TRPC6: variants seen among roughly 807,000 people sequenced by gnomAD.
TRPC6 encodes the protein short transient receptor potential channel 6.
In TRPC6, 55 loss-of-function variants were observed where a neutral mutation model predicts 90.7. The observed-to-expected ratio is 0.61, with a 90% confidence interval of 0.49 to 0.76. TRPC6 has a LOEUF of 0.76. Among genes scored for constraint, TRPC6 ranks in the 30% least tolerant of loss-of-function variants. TRPC6 has a pLI of 0.00. For missense variants in TRPC6, 989 were observed against 1,122.7 expected, an observed-to-expected ratio of 0.88 and a Z score of 1.70; for synonymous variants, 393 against 393.0, an observed-to-expected ratio of 1.00 and a Z score of 0.00.
At position 101,555,432 on chromosome 11, in the gene TRPC6, T is replaced by C. The variant is rs542671907; in HGVS notation, c.170+27902A>G. 2.6e-5 allele frequency among the ~76,000 whole-genome samples: 4 copies of C among 152,338 alleles called. No individual in the cohort carries two copies. The East Asian group carries it at 7.7e-4, about 29-fold the overall frequency. On this transcript the variant is annotated intron_variant, in intron 1 of 12. Transcript: ENST00000344327. ...AAGGGTCCTGGGTACTCAATGTATT[T>C]GCTCATGACCTGAGCTTCGTAAGTG... is the stretch of plus-strand genomic sequence containing the variant.
chr11:101,484,760 A>G (rs1430924063), intron 4 of TRPC6, among the ~76,000 whole-genome samples: 1 of 152,026 alleles, frequency 6.6e-6, no homozygotes, highest in African/African-American at 2.4e-5. Flanking sequence ...ACCTAGGCAC[A>G]TCTTCCCATA....
At chr11:101,519,623 CATG>C (rs993123904) in intron 1 of TRPC6, among the ~76,000 whole-genome samples, 9 of 152,024 alleles carry the variant, frequency 5.9e-5, no homozygotes, top group African/African-American at 2.2e-4. Flanking sequence ...AAAAAAAAAT[CATG>C]GTGGTGTCCT....
rs573010107 is a variant in TRPC6 at position 101,527,710 on chromosome 11, A to AT, written c.171-22913dup. 1.3e-3 allele frequency among the ~76,000 whole-genome samples: 193 copies of AT among 152,096 alleles called. 1 individual carries two copies. The highest frequency in any genetic ancestry group is 4.1e-3 in the African/African-American group (169 of 41,484). On this transcript the variant is annotated intron_variant, in intron 1 of 12. Coordinates refer to ENST00000344327, the MANE Select transcript of TRPC6 (RefSeq NM_004621.6). ...TTAAAATAAAGCAACTAAATAATTG[A>AT]TTTTTTTTCCTATAGTTCTGATAAA...
At chr11:101,549,660 A>T (rs1026657727) in intron 1 of TRPC6, among the ~76,000 whole-genome samples, 4 of 151,374 alleles carry the variant, frequency 2.6e-5, no homozygotes, top group Non-Finnish European at 4.4e-5. Flanking sequence ...AAAAAGGGAT[A>T]AAAAAGAAAA....
chr11:101,520,599 T>C (rs867778810), intron 1 of TRPC6, among the ~76,000 whole-genome samples: 1 of 152,182 alleles, frequency 6.6e-6, no homozygotes, highest in African/African-American at 2.4e-5. Context: ...TAAATTGTTT[T>C]GGAGGGCTCA....
intron 1 of TRPC6, among the ~76,000 whole-genome samples, chr11:101,511,210 T>G (rs7116629): frequency 0.49 from 74,615 of 151,968 alleles, 18,725 homozygotes; most frequent in African/African-American, 0.55. Context: ...AAGTCATTTG[T>G]TCTCATTTTA....
intron 1 of TRPC6, among the ~76,000 whole-genome samples, chr11:101,568,013 A>C (rs1290862106): frequency 1.3e-5 from 2 of 152,216 alleles, no homozygotes; most frequent in South Asian, 4.1e-4. Context: ...TAGATGGAGA[A>C]TGAGTTTGAC....
intron 1 of TRPC6, among the ~76,000 whole-genome samples, chr11:101,536,534 G>A (rs868813863): frequency 1.3e-5 from 2 of 152,144 alleles, no homozygotes; most frequent in Non-Finnish European, 2.9e-5. Flanking sequence ...TCTTCCTGGA[G>A]ACAATGATTT....
chr11:101,537,943 C>T (rs189463762), intron 1 of TRPC6, among the ~76,000 whole-genome samples: 26 of 152,180 alleles, frequency 1.7e-4, no homozygotes, highest in East Asian at 3.9e-4. Flanking sequence ...TAGTTTTAAG[C>T]GTATACATAT....
intron 1 of TRPC6, among the ~76,000 whole-genome samples, chr11:101,535,298 T>TA (rs1326461075): frequency 3.3e-5 from 5 of 152,086 alleles, no homozygotes; most frequent in African/African-American, 1.2e-4. Flanking sequence ...AAAGTAAAGG[T>TA]AAAAACTTTC....
rs985514571 is a variant in TRPC6 at position 101,455,221 on chromosome 11, T to G, written c.2485-120A>C. 1.8e-5 allele frequency: 14 copies of G among 788,748 alleles called. No individual in the cohort carries two copies. The Middle Eastern group carries it at 8.3e-4, about 47-fold the overall frequency. The allele number at this position is 788,748 out of a possible 1,614,324, so 48.9% of individuals were successfully genotyped here. A position where few individuals can be genotyped will look rare whatever the true frequency, so the allele number is the denominator to read the frequency against. ...ATACACAAATTATCTATATGTATAG[T>G]GCCATTTATCTTGCTTAGTATTCTG... is the stretch of plus-strand genomic sequence containing the variant. On this transcript the variant is annotated intron_variant, in intron 10 of 12. Coordinates refer to ENST00000344327, the MANE Select transcript of TRPC6 (RefSeq NM_004621.6).
intron 1 of TRPC6, among the ~76,000 whole-genome samples, chr11:101,506,720 T>C (rs1860277151): frequency 6.6e-6 from 1 of 152,174 alleles, no homozygotes. Context: ...CAACTTTTAT[T>C]ATAAGAGAAT....
At chr11:101,534,177 C>T (rs1860979504) in intron 1 of TRPC6, among the ~76,000 whole-genome samples, 1 of 152,130 alleles carries the variant, frequency 6.6e-6, no homozygotes, top group South Asian at 2.1e-4. Context: ...GCTCTGTTGC[C>T]CAGGCTGGAG....
chr11:101,560,859 TG>T (rs1861695768), intron 1 of TRPC6, among the ~76,000 whole-genome samples: 2 of 151,850 alleles, frequency 1.3e-5, no homozygotes, highest in South Asian at 2.1e-4. Flanking sequence ...AGCACAAAGA[TG>T]GGGAAGAAGG....
intron 10 of TRPC6, among the ~76,000 whole-genome samples, chr11:101,456,343 G>A (rs138057835): frequency 6.6e-6 from 1 of 152,228 alleles, no homozygotes; most frequent in Non-Finnish European, 1.5e-5. Flanking sequence ...TTTGTGAAAT[G>A]CATAAAAACT....
intron 3 of TRPC6, chr11:101,491,245 G>C (rs1281808475): frequency 3.3e-5 from 10 of 306,480 alleles, no homozygotes; most frequent in Non-Finnish European, 6.4e-5. Context: ...AGGAGATAGA[G>C]ACCACGGTGA....
chr11:101,474,171 A>G (rs1199416403), intron 6 of TRPC6, among the ~76,000 whole-genome samples: 1 of 152,210 alleles, frequency 6.6e-6, no homozygotes, highest in African/African-American at 2.4e-5. Context: ...GAATTCAGTA[A>G]GTCAGCATAT....
rs146492010 is a variant in TRPC6 at position 101,461,432 on chromosome 11, C to A, written c.2485-6331G>T. ...CAGAAAATACTAAAAATTAGCCAGG[C>A]GTGGTGGTGCTCACCTGCACTCCCA... On this transcript the variant is annotated intron_variant, in intron 10 of 12. Transcript: ENST00000344327. Among the ~76,000 whole-genome samples, 7 of 152,054 alleles carry A rather than the reference C, an allele frequency of 4.6e-5. No homozygotes were observed. In the East Asian group the frequency reaches 7.8e-4, roughly 17 times the overall value.
chr11:101,567,886 G>C (rs1310007328), intron 1 of TRPC6, among the ~76,000 whole-genome samples: 4 of 152,122 alleles, frequency 2.6e-5, no homozygotes, highest in Non-Finnish European at 1.5e-5. Flanking sequence ...AAATACAAAA[G>C]GTAGATAAAT....
Sources: gnomAD v4.1 joint callset for allele counts (sites outside exome capture counted in the v4.1 genomes callset) on GRCh38, gnomAD v4.1.1 for gene constraint, MANE v1.5 for transcripts, NCBI Gene and HGNC (gene_info 2026-07-23, HGNC 2026-07-21) for gene names.